Variants in TLN2 observed in about 807,000 individuals in gnomAD.
TLN2 encodes talin 2, also known as talin-2.
In TLN2, 118 loss-of-function variants were observed where a neutral mutation model predicts 294.7. That is an observed-to-expected ratio of 0.40 (90% CI 0.34 to 0.47). The LOEUF (loss-of-function observed/expected upper bound fraction) is 0.47. Among genes scored for constraint, TLN2 ranks in the 20% least tolerant of loss-of-function variants. The pLI is 0.84. For missense variants in TLN2, 3,083 were observed against 3,282.2 expected (o/e 0.94, Z 1.48); for synonymous variants, 1,431 against 1,304.5 (o/e 1.10, Z -2.09).
At chr15:62,787,053 C>T (rs1054924556) in intron 45 of TLN2, among the ~76,000 whole-genome samples, 7 of 151,870 alleles carry the variant, frequency 4.6e-5, no homozygotes, top group Admixed American at 6.6e-5. Flanking sequence ...TGCAGGTGTG[C>T]GCCACCATGC....
intron 11 of TLN2, among the ~76,000 whole-genome samples, chr15:62,681,836 T>C (rs545932856): frequency 6.6e-6 from 1 of 152,324 alleles, no homozygotes; most frequent in East Asian, 1.9e-4. Flanking sequence ...TGTCACCCAG[T>C]CTGGAATGTA....
At position 62,510,346 on chromosome 15, in the gene TLN2, C is replaced by T. The variant is rs142690217; in HGVS notation, c.-237-79341C>T. Among the ~76,000 whole-genome samples, 157 of 152,318 alleles carry T rather than the reference C, an allele frequency of 1.0e-3. 1 individual carries two copies. Among genetic ancestry groups the T allele is most frequent in the South Asian group, 4.4e-3 (21 of 4,826 alleles). On this transcript the variant is annotated intron_variant, in intron 1 of 58. Transcript: ENST00000636159. ...TTTGGGATCAGCTAGGCTTGGGTGT[C>T]GCTTAGTAGCTTTGTGCAAATCATT...
intron 1 of TLN2, among the ~76,000 whole-genome samples, chr15:62,506,722 A>G (rs947954294): frequency 6.6e-6 from 1 of 152,236 alleles, no homozygotes; most frequent in African/African-American, 2.4e-5. Context: ...TAAATAACTA[A>G]GCAACTTGAG....
At position 62,829,376 on chromosome 15, in the gene TLN2, G is replaced by A. The variant is rs560935223; in HGVS notation, c.7003-4128G>A. Reference sequence around the variant, plus strand: ...ATACATCTTATATGGCGGCAGGCAAGCGGGCTTGTGTAGGGGAACTCCCCT... The same window carrying A: ...ATACATCTTATATGGCGGCAGGCAAACGGGCTTGTGTAGGGGAACTCCCCT... On this transcript the variant is annotated intron_variant, in intron 54 of 58. Coordinates refer to ENST00000636159, the MANE Select transcript of TLN2 (RefSeq NM_015059.3). 2.0e-5 allele frequency: 3 copies of A among 152,226 alleles called. No homozygotes were observed. The South Asian group carries it at 6.2e-4, about 32-fold the overall frequency. The allele number at this position is 152,226 out of a possible 1,614,324, so 9.4% of individuals were successfully genotyped here. A position where few individuals can be genotyped will look rare whatever the true frequency, so the allele number is the denominator to read the frequency against.
intron 32 of TLN2, among the ~76,000 whole-genome samples, chr15:62,742,216 C>T (rs1356251793): frequency 2.6e-5 from 4 of 152,202 alleles, no homozygotes; most frequent in East Asian, 3.9e-4. Flanking sequence ...ATGCTTTGTT[C>T]GTGACTGTTC....
chr15:62,529,287 C>T (rs756120447), intron 1 of TLN2, among the ~76,000 whole-genome samples: 4 of 151,880 alleles, frequency 2.6e-5, no homozygotes, highest in East Asian at 1.9e-4. Flanking sequence ...TTGTAGAGAC[C>T]GGGTCTGTGT....
At chr15:62,615,025 C>T (rs919074430) in intron 2 of TLN2, among the ~76,000 whole-genome samples, 6 of 152,104 alleles carry the variant, frequency 3.9e-5, no homozygotes, top group East Asian at 1.9e-4. Flanking sequence ...AGGTTGGTCT[C>T]GAACTCCTGA....
intron 1 of TLN2, 60 bp downstream of exon 1, chr15:62,390,745 A>C (rs1052829986): frequency 1.3e-5 from 2 of 151,806 alleles, no homozygotes; most frequent in African/African-American, 4.8e-5. Context: ...CGTTGCATGA[A>C]TTTCTCGTGT....
At chr15:62,805,514 A>G (rs1239994189) in intron 50 of TLN2, 86 bp from the exon 51 acceptor site, 42 of 1,390,504 alleles carry the variant, frequency 3.0e-5, no homozygotes, top group Non-Finnish European at 3.6e-5. Flanking sequence ...GTTTTCAGAC[A>G]CAAGCTACAG....
At chr15:62,578,330 G>T (rs1213552204) in intron 1 of TLN2, among the ~76,000 whole-genome samples, 1 of 152,104 alleles carries the variant, frequency 6.6e-6, no homozygotes, top group African/African-American at 2.4e-5. Context: ...ACTTTGGAAG[G>T]CTGAGGTGGG....
intron 22 of TLN2, 107 bp from the exon 23 acceptor site, chr15:62,716,224 C>G (rs573449937): frequency 8.8e-6 from 11 of 1,252,428 alleles, no homozygotes; most frequent in Non-Finnish European, 1.1e-5. Flanking sequence ...TGGCATTTGA[C>G]TATCCTTGCA....
intron 1 of TLN2, among the ~76,000 whole-genome samples, chr15:62,403,437 T>C (rs1391043037): frequency 2.0e-5 from 3 of 152,242 alleles, no homozygotes; most frequent in African/African-American, 7.2e-5. Flanking sequence ...TTTGCCACGT[T>C]GCCCAGGCTG....
Position 62,463,238 on chromosome 15 carries a change from C to T in TLN2, c.-238+72553C>T, listed in dbSNP as rs1445586258. 3.9e-5 allele frequency among the ~76,000 whole-genome samples: 6 copies of T among 152,330 alleles called. No homozygotes were observed. The East Asian group carries it at 9.6e-4, about 24-fold the overall frequency. On this transcript the variant is annotated intron_variant, in intron 1 of 58. Transcript: ENST00000636159. ...CAAGGCTACAGCCACCCACTGACTT[C>T]CCACTTTCTGACCGTCCGCCCACCT...
At chr15:62,632,838 C>A (rs992018010) in intron 3 of TLN2, among the ~76,000 whole-genome samples, 6 of 152,130 alleles carry the variant, frequency 3.9e-5, no homozygotes, top group African/African-American at 1.4e-4. Flanking sequence ...GCCTCCCATC[C>A]CTTTTTATAT....
At chr15:62,410,454 C>T (rs923650594) in intron 1 of TLN2, among the ~76,000 whole-genome samples, 1 of 152,076 alleles carries the variant, frequency 6.6e-6, no homozygotes, top group African/African-American at 2.4e-5. Flanking sequence ...TTTAATAAAC[C>T]TGATTTTAAA....
At chr15:62,783,912 A>T in intron 45 of TLN2, 22 bp downstream of exon 45, 2 of 1,613,154 alleles carry the variant, frequency 1.2e-6, no homozygotes, top group Non-Finnish European at 1.7e-6. Context: ...TAAGACCCCT[A>T]TTTTAAGATG....
rs939772403 is a variant in TLN2 at position 62,737,588 on chromosome 15, A to G, written c.3567+502A>G. Among the ~76,000 whole-genome samples the G allele has an allele frequency of 2.6e-5, 4 of 152,306 alleles. No individual in the cohort carries two copies. In the South Asian group the frequency reaches 8.3e-4, roughly 32 times the overall value. On this transcript the variant is annotated intron_variant, in intron 29 of 58. Transcript: ENST00000636159. ...AAGGAGATGGCTTAGATGAGAGGGA[A>G]TGACACTCCCCACCTCCAAAGACCT...
chr15:62,471,738 G>A (rs528236012), intron 1 of TLN2, among the ~76,000 whole-genome samples: 1 of 152,254 alleles, frequency 6.6e-6, no homozygotes, highest in Admixed American at 6.5e-5. Flanking sequence ...GTTGGTTTGG[G>A]GAAGGGTGAG....
At chr15:62,716,558 A>G (rs1379272114) in intron 23 of TLN2, 99 bp downstream of exon 23, 24 of 1,413,262 alleles carry the variant, frequency 1.7e-5, no homozygotes, top group Non-Finnish European at 1.9e-5. Context: ...ATATAAAGAA[A>G]GCCAAGTCAA....
Sources: gnomAD v4.1 joint callset for allele counts (sites outside exome capture counted in the v4.1 genomes callset) on GRCh38, gnomAD v4.1.1 for gene constraint, MANE v1.5 for transcripts, NCBI Gene and HGNC (gene_info 2026-07-23, HGNC 2026-07-21) for gene names.